Variants in SPIDR observed in about 807,000 individuals in gnomAD.
SPIDR encodes DNA repair-scaffolding protein.
SPIDR carries 93 observed loss-of-function variants against 104.6 expected under a neutral mutation model. The observed-to-expected ratio is 0.89, with a 90% confidence interval of 0.75 to 1.06. The LOEUF (loss-of-function observed/expected upper bound fraction) is 1.06. Ranked by LOEUF, SPIDR falls within the 50% of genes least tolerant of loss-of-function variation. SPIDR has a pLI of 0.00. For synonymous variants in SPIDR, 431 were observed against 416.9 expected, an observed-to-expected ratio of 1.03 and a Z score of -0.41; for missense variants, 1,154 against 1,111.2, an observed-to-expected ratio of 1.04 and a Z score of -0.55.
chr8:47,671,993 T>A (rs1053611085), intron 10 of SPIDR, among the ~76,000 whole-genome samples: 2 of 152,210 alleles, frequency 1.3e-5, no homozygotes, highest in African/African-American at 2.4e-5. Context: ...GGTCTTGCTC[T>A]GTTGCCCAGG....
At position 47,495,550 on chromosome 8, in the gene SPIDR, C is replaced by G. The variant is rs538890262; in HGVS notation, c.1097+55008C>G. Among the ~76,000 whole-genome samples, 6 of 152,146 alleles carry G rather than the reference C, an allele frequency of 3.9e-5. No homozygotes were observed. The East Asian group carries it at 1.2e-3, about 29-fold the overall frequency. On this transcript the variant is annotated intron_variant, in intron 8 of 19. Coordinates refer to ENST00000297423, the MANE Select transcript of SPIDR (RefSeq NM_001080394.4). Reference sequence around the variant, plus strand: ...CATTAGCTACTACTTTTCATTCCAGCTTATCTATTTTTTTATTTTTGTCAC... The same window carrying G: ...CATTAGCTACTACTTTTCATTCCAGGTTATCTATTTTTTTATTTTTGTCAC...
At chr8:47,567,788 T>C (rs1266802405) in intron 8 of SPIDR, among the ~76,000 whole-genome samples, 2 of 136,492 alleles carry the variant, frequency 1.5e-5, no homozygotes, top group Non-Finnish European at 3.2e-5. Flanking sequence ...TTCTTTTTTT[T>C]TTTTTTTTTT....
chr8:47,505,368 T>C (rs1407158680), intron 8 of SPIDR, among the ~76,000 whole-genome samples: 2 of 152,198 alleles, frequency 1.3e-5, no homozygotes, highest in African/African-American at 2.4e-5. Context: ...GCTGCCGCCT[T>C]GCAGCTTGAT....
At chr8:47,349,217 G>A (rs1554620567) in intron 5 of SPIDR, among the ~76,000 whole-genome samples, 2 of 152,196 alleles carry the variant, frequency 1.3e-5, no homozygotes, top group Non-Finnish European at 2.9e-5. Flanking sequence ...TCAGCTGCAG[G>A]TCTGTTGAAG....
intron 7 of SPIDR, among the ~76,000 whole-genome samples, chr8:47,420,070 G>C (rs532774532): frequency 1.3e-5 from 2 of 152,186 alleles, no homozygotes; most frequent in Non-Finnish European, 2.9e-5. Flanking sequence ...GTGGTGTGGT[G>C]CTGAGAAGAA....
At chr8:47,383,790 A>G (rs2059588804) in intron 5 of SPIDR, among the ~76,000 whole-genome samples, 1 of 152,170 alleles carries the variant, frequency 6.6e-6, no homozygotes, top group Non-Finnish European at 1.5e-5. Flanking sequence ...TATAAGTAAA[A>G]CTATATATTT....
At chr8:47,306,705 T>A (rs1461868369) in intron 5 of SPIDR, among the ~76,000 whole-genome samples, 1 of 152,246 alleles carries the variant, frequency 6.6e-6, no homozygotes, top group African/African-American at 2.4e-5. Context: ...GATTTAATCA[T>A]CTGTTATTTA....
intron 5 of SPIDR, among the ~76,000 whole-genome samples, chr8:47,358,926 C>T (rs1209515513): frequency 6.6e-6 from 1 of 151,958 alleles, no homozygotes; most frequent in Non-Finnish European, 1.5e-5. Flanking sequence ...CCTGTGATCA[C>T]ATAAATTTCT....
intron 8 of SPIDR, among the ~76,000 whole-genome samples, chr8:47,472,475 C>T (rs2075837412): frequency 6.6e-6 from 1 of 152,174 alleles, no homozygotes; most frequent in Non-Finnish European, 1.5e-5. Context: ...AGAAATTCTT[C>T]AGAGAATTGT....
At chr8:47,282,052 A>G (rs2037900423) in intron 2 of SPIDR, among the ~76,000 whole-genome samples, 1 of 152,246 alleles carries the variant, frequency 6.6e-6, no homozygotes, top group Non-Finnish European at 1.5e-5. Flanking sequence ...ATTGTCAATC[A>G]GCAGTAATAG....
Position 47,291,295 on chromosome 8 carries a change from A to G in SPIDR, c.361+158A>G, listed in dbSNP as rs1487713848. Among the ~76,000 whole-genome samples the G allele has an allele frequency of 2.6e-5, 4 of 152,298 alleles. No individual in the cohort carries two copies. The East Asian group carries it at 7.7e-4, about 29-fold the overall frequency. ...GAAGAAACTTACATTCCTTTCTAGT[A>G]TTTATCATTAACATTCCACCTATCA... On this transcript the variant is annotated intron_variant, in intron 4 of 19. Coordinates refer to ENST00000297423, the MANE Select transcript of SPIDR (RefSeq NM_001080394.4).
chr8:47,417,108 G>A (rs530952747), intron 7 of SPIDR, among the ~76,000 whole-genome samples: 2 of 152,144 alleles, frequency 1.3e-5, no homozygotes, highest in African/African-American at 2.4e-5. Context: ...TGTCTTTATA[G>A]CAGCATGATT....
chr8:47,312,528 G>T (rs2044400179), intron 5 of SPIDR, among the ~76,000 whole-genome samples: 1 of 152,146 alleles, frequency 6.6e-6, no homozygotes, highest in Middle Eastern at 3.2e-3. Context: ...CTTTTGAGAA[G>T]TGTCTGTTCA....
At chr8:47,639,247 C>T (rs747558352) in intron 10 of SPIDR, among the ~76,000 whole-genome samples, 1 of 152,164 alleles carries the variant, frequency 6.6e-6, no homozygotes, top group Non-Finnish European at 1.5e-5. Context: ...GTGTGGCTCC[C>T]ATGGAGAAGT....
In SPIDR at chr8:47,518,006, T is replaced by C. The variant is rs375824921; in HGVS notation, c.1097+77464T>C. ...CTTTTCTTTTTCATTCTAATCTCTT[T>C]CGTTAAGCTAATATACATTCTGTAG... On this transcript the variant is annotated intron_variant, in intron 8 of 19. Transcript: ENST00000297423. Among the ~76,000 whole-genome samples, 641 of 152,362 alleles carry C rather than the reference T, an allele frequency of 4.2e-3. 4 individuals are homozygous for C. The highest frequency in any genetic ancestry group is 0.022 in the South Asian group (108 of 4,828).
At chr8:47,691,911 G>A (rs1223279713) in intron 11 of SPIDR, among the ~76,000 whole-genome samples, 2 of 152,190 alleles carry the variant, frequency 1.3e-5, no homozygotes, top group Admixed American at 6.5e-5. Flanking sequence ...CTGCTCCTGG[G>A]CTCTGTGTCA....
At chr8:47,566,984 T>A (rs1564354287) in intron 8 of SPIDR, among the ~76,000 whole-genome samples, 1 of 152,200 alleles carries the variant, frequency 6.6e-6, no homozygotes, top group Non-Finnish European at 1.5e-5. Flanking sequence ...GGTCAAACTC[T>A]AATATATATA....
intron 8 of SPIDR, among the ~76,000 whole-genome samples, chr8:47,582,846 A>G (rs1806593773): frequency 6.7e-6 from 1 of 149,186 alleles, no homozygotes; most frequent in African/African-American, 2.5e-5. Flanking sequence ...ACACACACAC[A>G]CACACACACA....
intron 10 of SPIDR, among the ~76,000 whole-genome samples, chr8:47,642,770 A>G (rs977009147): frequency 1.3e-5 from 2 of 151,998 alleles, no homozygotes; most frequent in Non-Finnish European, 1.5e-5. Flanking sequence ...TTAGCTGGGC[A>G]TGATGGTGCA....
Sources: gnomAD v4.1 joint callset for allele counts (sites outside exome capture counted in the v4.1 genomes callset) on GRCh38, gnomAD v4.1.1 for gene constraint, MANE v1.5 for transcripts, NCBI Gene and HGNC (gene_info 2026-07-23, HGNC 2026-07-21) for gene names.